Variants in ADARB1 observed in about 807,000 individuals in gnomAD.
ADARB1 encodes the protein double-stranded RNA-specific editase 1.
In ADARB1, 10 loss-of-function variants were observed where a neutral mutation model predicts 52.4. The observed-to-expected ratio is 0.19, with a 90% CI of 0.12 to 0.32. The LOEUF is 0.32. ADARB1 is among the 10% of genes least tolerant of loss of function. The probability of loss-of-function intolerance (pLI) is 1.00; values close to 1 mark genes in which losing one functional copy is unlikely to be tolerated. For missense variants in ADARB1, 643 were observed against 922.3 expected (o/e 0.70, Z 3.92); for synonymous variants, 349 against 371.1 (o/e 0.94, Z 0.68).
intron 1 of ADARB1, among the ~76,000 whole-genome samples, chr21:45,123,344 C>T (rs2088329762): frequency 1.3e-5 from 2 of 152,006 alleles, no homozygotes; most frequent in South Asian, 2.1e-4. Context: ...TGCTCTGTGG[C>T]CCAGGCCAGA....
chr21:45,148,990 C>G (rs1401847720), intron 2 of ADARB1, among the ~76,000 whole-genome samples: 1 of 152,214 alleles, frequency 6.6e-6, no homozygotes, highest in Non-Finnish European at 1.5e-5. Context: ...CTGCTGGATG[C>G]AAACCTGCTG....
At chr21:45,109,789 A>T (rs2087451982) in intron 1 of ADARB1, among the ~76,000 whole-genome samples, 1 of 152,240 alleles carries the variant, frequency 6.6e-6, no homozygotes, top group African/African-American at 2.4e-5. Context: ...AGAGAAGCCA[A>T]ATCACGCTGG....
chr21:45,144,879 T>G (rs183647191), intron 2 of ADARB1: 2 of 197,270 alleles, frequency 1.0e-5, no homozygotes, highest in Admixed American at 1.2e-4. Flanking sequence ...AAATATGCAT[T>G]TTTGATGTTA....
Position 45,184,984 on chromosome 21 carries a change from T to G in ADARB1, c.1458T>G (p.Ser486=). ...GACAGCTACGGACCAAAATAGAGTC[T>G]GGTGAGGGGACGATTCCAGTGCGCT... ...ARGQLRTKIE[S]GEGTIPVRSN... The change falls in exon 8 of 11, where the codon TCT becomes TCG. Residue 486 remains serine (S), a synonymous_variant. Transcript: ENST00000348831. 1 of 1,614,208 alleles carries G rather than the reference T, an allele frequency of 6.2e-7. No homozygotes were observed. Among genetic ancestry groups the G allele is most frequent in the Non-Finnish European group, 8.5e-7 (1 of 1,180,010 alleles).
At chr21:45,095,299 C>T (rs1265765045) in intron 1 of ADARB1, among the ~76,000 whole-genome samples, 1 of 152,262 alleles carries the variant, frequency 6.6e-6, no homozygotes, top group African/African-American at 2.4e-5. Flanking sequence ...ATGCTCCGGC[C>T]TTTGCCGTGA....
intron 2 of ADARB1, chr21:45,144,797 T>A (rs994284725): frequency 2.1e-5 from 7 of 335,948 alleles, no homozygotes; most frequent in African/African-American, 6.5e-5. Flanking sequence ...CACACAGATT[T>A]ACCACAATTA....
In ADARB1 at chr21:45,204,631, G is replaced by C; in HGVS notation, c.1642G>C (p.Gly548Arg). ...CATTTACTTCTCGAGCATCATCCTG[G>C]GCAGCCTTTACCACGGGGACCACCT... is the stretch of plus-strand genomic sequence containing the variant. The part of the protein sequence containing the change: ...EPIYFSSIIL[G>R]SLYHGDHLSR... The change falls in exon 9 of 11, where the codon GGC (glycine) becomes CGC (arginine). Residue 548 changes from glycine to arginine, a missense_variant. This residue lies in a region of ADARB1 where 263 missense variants were observed against 475.8 expected (regional missense o/e 0.55). Transcript: ENST00000348831. This position sits in a 1 kb window ranked among gnomAD's most constrained non-coding sequence, Gnocchi z 4.4. 6.2e-7 allele frequency: 1 copy of C among 1,614,136 alleles called. No individual in the cohort carries two copies. Among genetic ancestry groups the C allele is most frequent in the Non-Finnish European group, 8.5e-7 (1 of 1,180,030 alleles).
intron 1 of ADARB1, among the ~76,000 whole-genome samples, chr21:45,124,092 T>C (rs1481415696): frequency 6.6e-6 from 1 of 152,232 alleles, no homozygotes; most frequent in Non-Finnish European, 1.5e-5. Context: ...ATACATTAAA[T>C]CATGTTTGCA....
At chr21:45,102,216 C>G (rs1187365780) in intron 1 of ADARB1, among the ~76,000 whole-genome samples, 1 of 152,144 alleles carries the variant, frequency 6.6e-6, no homozygotes, top group African/African-American at 2.4e-5. Context: ...AATTCTAAAT[C>G]AGAATTTCTA....
chr21:45,144,159 T>C (rs2838792), intron 2 of ADARB1, among the ~76,000 whole-genome samples: 12,108 of 152,296 alleles, frequency 0.08, 554 homozygotes, highest in East Asian at 0.15. Context: ...ATTTCCCATG[T>C]GTTGATTTTA....
rs372108954 is a variant in ADARB1 at position 45,183,514 on chromosome 21, T to C, written c.1396+4T>C. 3.1e-6 allele frequency: 5 copies of C among 1,611,400 alleles called. No individual in the cohort carries two copies. The highest frequency in any genetic ancestry group is 4.2e-6 in the Non-Finnish European group (5 of 1,179,436). On this transcript the variant is annotated splice_donor_region_variant and intron_variant, in intron 7 of 10. Coordinates refer to ENST00000348831, the MANE Select transcript of ADARB1 (RefSeq NM_001112.4). ...CCACATGAGCCAATCCTGGAAGGTA[T>C]GAGACGAGATTCTTCAACAAGCCAG...
chr21:45,162,686 A>G (rs745797100), intron 2 of ADARB1, among the ~76,000 whole-genome samples: 60 of 152,370 alleles, frequency 3.9e-4, no homozygotes, highest in Non-Finnish European at 5.7e-4. Context: ...CTTTAGGGAC[A>G]GTAGCTGATG....
chr21:45,077,929 G>C (rs1198664313), intron 1 of ADARB1, among the ~76,000 whole-genome samples: 1 of 152,224 alleles, frequency 6.6e-6, no homozygotes, highest in African/African-American at 2.4e-5. Flanking sequence ...GGTGTGGACA[G>C]GGACAGCGCA....
chr21:45,149,209 T>C (rs1021631778), intron 2 of ADARB1, among the ~76,000 whole-genome samples: 19 of 152,226 alleles, frequency 1.2e-4, no homozygotes, highest in African/African-American at 4.3e-4. Flanking sequence ...CTCGGCAGGC[T>C]CCACACTTGC....
rs898116720 is a variant in ADARB1, at chr21:45,128,261, A to T, written c.-219-141A>T. 1 of 152,258 alleles carries T rather than the reference A, an allele frequency of 6.6e-6. No homozygotes were observed. The highest frequency in any genetic ancestry group is 6.5e-5 in the Admixed American group (1 of 15,284). 9.4% of individuals were successfully genotyped at this position (152,258 alleles called of 1,614,324 possible). A position where few individuals can be genotyped will look rare whatever the true frequency, so the allele number is the denominator to read the frequency against. ...CCCCTTTACAGATTCGGAAGAGTACATTTAAAATAACTTAAATTTGTATTT... is the reference window on the plus strand; with the variant it reads ...CCCCTTTACAGATTCGGAAGAGTACTTTTAAAATAACTTAAATTTGTATTT... On this transcript the variant is annotated intron_variant, in intron 1 of 10. Transcript: ENST00000348831. The surrounding 1 kb of genome is among the most constrained non-coding windows in gnomAD (Gnocchi z 4.6).
Position 45,138,607 on chromosome 21 carries a change from C to T in ADARB1, c.-48+10034C>T, listed in dbSNP as rs548892351. ...CACCTGTCTTTCACCAGAACTGTGTCTTTCTCCTTGGCAAGAAGTGTGTTT... is the reference window on the plus strand; with the variant it reads ...CACCTGTCTTTCACCAGAACTGTGTTTTTCTCCTTGGCAAGAAGTGTGTTT... On this transcript the variant is annotated intron_variant, in intron 2 of 10. Transcript: ENST00000348831. 1.1e-4 allele frequency among the ~76,000 whole-genome samples: 16 copies of T among 152,296 alleles called. No homozygotes were observed. The East Asian group carries it at 2.9e-3, about 28-fold the overall frequency.
At chr21:45,078,705 G>A (rs2086039682) in intron 1 of ADARB1, among the ~76,000 whole-genome samples, 1 of 152,244 alleles carries the variant, frequency 6.6e-6, no homozygotes, top group Admixed American at 6.5e-5. Context: ...CACACAGGCT[G>A]TGGTAAGGAA....
intron 1 of ADARB1, among the ~76,000 whole-genome samples, chr21:45,097,028 T>C (rs149442931): frequency 3.9e-5 from 6 of 152,354 alleles, no homozygotes; most frequent in South Asian, 2.1e-4. Context: ...TGTGAGCCAC[T>C]GCGCCCAGCC....
chr21:45,113,251 C>T (rs1009668470), intron 1 of ADARB1, among the ~76,000 whole-genome samples: 18 of 151,974 alleles, frequency 1.2e-4, no homozygotes, highest in Non-Finnish European at 1.6e-4. Flanking sequence ...GGTGAAACCC[C>T]ATCTCTACTA....
Sources: allele counts gnomAD v4.1 joint callset (sites outside exome capture counted in the v4.1 genomes callset), GRCh38; gene constraint gnomAD v4.1.1; regional missense constraint gnomAD v4.1.1; non-coding constraint Gnocchi (gnomAD v3.1); transcripts MANE v1.5; gene names NCBI Gene and HGNC (gene_info 2026-07-23, HGNC 2026-07-21).